TMBIM6: variants seen among roughly 807,000 people sequenced by gnomAD.
The protein encoded by TMBIM6 is transmembrane BAX inhibitor motif containing 6.
In TMBIM6, 13 loss-of-function variants were observed where a neutral mutation model predicts 31.4. The ratio of observed to expected loss-of-function variants is 0.41; its 90% CI spans 0.27 to 0.66. The LOEUF (loss-of-function observed/expected upper bound fraction) is 0.66. TMBIM6 is among the 30% of genes least tolerant of loss of function. The probability of loss-of-function intolerance (pLI) is 0.28; values close to 1 mark genes in which losing one functional copy is unlikely to be tolerated. For synonymous variants in TMBIM6, 85 were observed against 101.7 expected, an observed-to-expected ratio of 0.84 and a Z score of 0.99; for missense variants, 275 against 289.5, an observed-to-expected ratio of 0.95 and a Z score of 0.36.
rs139270926 is a variant in TMBIM6, at chr12:49,753,059, A to G, written c.143A>G (p.His48Arg). The G allele has an allele frequency of 1.3e-5, 21 of 1,613,832 alleles. No individual in the cohort carries two copies. Among genetic ancestry groups the G allele is most frequent in the Middle Eastern group, 3.3e-4 (2 of 6,062 alleles). The change falls in exon 3 of 10, where the codon CAT becomes CGT. Residue 48 changes from histidine (H) to arginine (R), a missense_variant. Physicochemically the swap from His to Arg is conservative, Grantham distance 29. Transcript: ENST00000267115. ...GTGGCGGCTGCAGGGGCCTATGTCC[A>G]TATGGTCACTCATTTCATTCAGGTA... ...MFVAAAGAYV[H>R]MVTHFIQAGL... is the part of the protein sequence containing the mutation.
At chr12:49,755,795 T>C in intron 4 of TMBIM6, 40 bp downstream of exon 4, 1 of 1,593,252 alleles carries the variant, frequency 6.3e-7, no homozygotes, top group South Asian at 1.1e-5. Flanking sequence ...GGGTGAGCTA[T>C]ATTTTCAGTA....
At chr12:49,760,091 G>A (rs959996093) in intron 8 of TMBIM6, among the ~76,000 whole-genome samples, 5 of 137,562 alleles carry the variant, frequency 3.6e-5, no homozygotes, top group Non-Finnish European at 7.7e-5. Flanking sequence ...CAGCCTGGAC[G>A]ACAGAGCGAG....
At chr12:49,751,685 T>C (rs979854071) in intron 1 of TMBIM6, among the ~76,000 whole-genome samples, 1 of 152,012 alleles carries the variant, frequency 6.6e-6, no homozygotes, top group African/African-American at 2.4e-5. Context: ...GACCCAGCTT[T>C]ATAGTTTTTG....
At chr12:49,758,553 C>T in intron 6 of TMBIM6, 73 bp downstream of exon 6, 1 of 1,553,328 alleles carries the variant, frequency 6.4e-7, no homozygotes, top group Non-Finnish European at 8.9e-7. Context: ...TCCTTCCTTA[C>T]CCCTAACTCC....
intron 4 of TMBIM6, 71 bp downstream of exon 4, chr12:49,755,826 C>CCTTTTTTTTT: frequency 6.6e-7 from 1 of 1,522,926 alleles, no homozygotes; most frequent in Non-Finnish European, 8.8e-7. Context: ...AGTTCCCCCC[C>CCTTTTTTTTT]CTTTTTTTTT....
At chr12:49,761,614 G>A in intron 8 of TMBIM6, 90 bp from the exon 9 acceptor site, 2 of 1,175,158 alleles carry the variant, frequency 1.7e-6, no homozygotes, top group Non-Finnish European at 2.5e-6. Flanking sequence ...GGCTCGTGGG[G>A]GTAGGGGTGG....
chr12:49,762,039 C>G (rs1945729959), intron 9 of TMBIM6: 1 of 462,864 alleles, frequency 2.2e-6, no homozygotes, highest in South Asian at 3.1e-5. Context: ...CAACCTGCTA[C>G]ATGAATAATT....
At chr12:49,750,395 A>T (rs1361080707) in intron 1 of TMBIM6, among the ~76,000 whole-genome samples, 1 of 152,186 alleles carries the variant, frequency 6.6e-6, no homozygotes, top group Admixed American at 6.5e-5. Context: ...TTGGCTCTGA[A>T]AGTTGCTTCA....
Position 49,762,914 on chromosome 12 carries a change from T to G in TMBIM6, c.*18T>G. On this transcript the variant is annotated 3_prime_UTR_variant, in exon 10 of 10. Transcript: ENST00000267115. Reference sequence around the variant, plus strand: ...AGAAATGAAGTGACCATCCAGCCTTTCCCAATTAGACTTCCTCTCCTTCCA... The same window carrying G: ...AGAAATGAAGTGACCATCCAGCCTTGCCCAATTAGACTTCCTCTCCTTCCA... 1.2e-6 allele frequency: 2 copies of G among 1,611,484 alleles called. No individual in the cohort carries two copies. Among genetic ancestry groups the G allele is most frequent in the Non-Finnish European group, 1.7e-6 (2 of 1,177,818 alleles).
At chr12:49,749,796 A>G (rs1945462632) in intron 1 of TMBIM6, 1 of 152,196 alleles carries the variant, frequency 6.6e-6, no homozygotes, top group Non-Finnish European at 1.5e-5. Flanking sequence ...GATGTAAGCC[A>G]TCGCAAATCA....
chr12:49,752,337 G>A, intron 1 of TMBIM6, 127 bp from the exon 2 acceptor site: 1 of 599,868 alleles, frequency 1.7e-6, no homozygotes, highest in Non-Finnish European at 2.8e-6. Context: ...AAATGGTTGT[G>A]TTAGGGCTGT....
At position 49,763,095 on chromosome 12, in the gene TMBIM6, C is replaced by T. The variant is rs1287724714; in HGVS notation, c.*199C>T. Reference sequence around the variant, plus strand: ...TAGTTTGGAGTTTGGCTTCATCTTCCTGGGGTTCCCCTCACTCCCTTTTTT... The same window carrying T: ...TAGTTTGGAGTTTGGCTTCATCTTCTTGGGGTTCCCCTCACTCCCTTTTTT... On this transcript the variant is annotated 3_prime_UTR_variant, in exon 10 of 10. Transcript: ENST00000267115. 7.8e-6 allele frequency: 4 copies of T among 515,360 alleles called. No individual in the cohort carries two copies. Among genetic ancestry groups the T allele is most frequent in the Non-Finnish European group, 6.8e-6 (2 of 296,264 alleles). 31.9% of individuals were successfully genotyped at this position (515,360 alleles called of 1,614,324 possible). A position where few individuals can be genotyped will look rare whatever the true frequency, so the allele number is the denominator to read the frequency against.
chr12:49,762,756 T>C lies in TMBIM6; in HGVS notation c.691-117T>C, dbSNP rs1945743938. ...TCTTGCTGAGCTAAGGAAGCATTTC[T>C]CATTTCTTTTTAATTGTCTGGCTCA... On this transcript the variant is annotated intron_variant, in intron 9 of 9. Transcript: ENST00000267115. The C allele has an allele frequency of 3.1e-6, 3 of 980,430 alleles. No homozygotes were observed. In the Admixed American group the frequency reaches 5.9e-5, roughly 19 times the overall value. The allele number at this position is 980,430 out of a possible 1,614,324, so 60.7% of individuals were successfully genotyped here.
At chr12:49,761,038 C>T (rs1945709580) in intron 8 of TMBIM6, among the ~76,000 whole-genome samples, 1 of 151,846 alleles carries the variant, frequency 6.6e-6, no homozygotes, top group Non-Finnish European at 1.5e-5. Flanking sequence ...GGGGTTTCTC[C>T]ATGTTGGTCA....
At chr12:49,751,094 T>A (rs1270830787) in intron 1 of TMBIM6, among the ~76,000 whole-genome samples, 1 of 152,198 alleles carries the variant, frequency 6.6e-6, no homozygotes, top group Admixed American at 6.5e-5. Flanking sequence ...GTACTGTAGA[T>A]TGAACACGTT....
At chr12:49,742,134 G>A (rs1179992617) in intron 1 of TMBIM6, 3 of 1,610,602 alleles carry the variant, frequency 1.9e-6, no homozygotes, top group Non-Finnish European at 1.7e-6. Context: ...TGGCGGGCGG[G>A]TGATGTCACA....
intron 1 of TMBIM6, 139 bp downstream of exon 1, chr12:49,741,750 C>T (rs1016023694): frequency 4.3e-6 from 1 of 231,654 alleles, no homozygotes; most frequent in Non-Finnish European, 8.7e-6. Context: ...TGCTCGGAGA[C>T]CAGACTCGGG....
intron 3 of TMBIM6, among the ~76,000 whole-genome samples, chr12:49,755,208 C>A (rs948931028): frequency 6.6e-6 from 1 of 152,090 alleles, no homozygotes; most frequent in African/African-American, 2.4e-5. Flanking sequence ...TTGCCCACCT[C>A]GGCCTCCCAA....
intron 1 of TMBIM6, among the ~76,000 whole-genome samples, chr12:49,748,270 T>C (rs1310395738): frequency 6.6e-6 from 1 of 152,096 alleles, no homozygotes; most frequent in Non-Finnish European, 1.5e-5. Flanking sequence ...AGTCTTTCAT[T>C]TTAGGACAAG....
Sources: allele counts gnomAD v4.1 joint callset (sites outside exome capture counted in the v4.1 genomes callset), GRCh38; gene constraint gnomAD v4.1.1; transcripts MANE v1.5; gene names NCBI Gene and HGNC (gene_info 2026-07-23, HGNC 2026-07-21).